Variants in FAM135B observed in about 807,000 individuals in gnomAD.
FAM135B encodes the protein family with sequence similarity 135 member B.
A neutral mutation model predicts 127.7 loss-of-function variants in FAM135B; 43 were observed. The observed-to-expected ratio is 0.34, with a 90% CI of 0.26 to 0.43. The LOEUF (loss-of-function observed/expected upper bound fraction) is 0.43, where lower values mean the gene tolerates loss of function less well. FAM135B is among the 20% of genes least tolerant of loss of function. The pLI is 1.00. For missense variants in FAM135B, 1,558 were observed against 1,725.6 expected, an observed-to-expected ratio of 0.90 and a Z score of 1.72; for synonymous variants, 670 against 665.1, an observed-to-expected ratio of 1.01 and a Z score of -0.11.
intron 3 of FAM135B, among the ~76,000 whole-genome samples, chr8:138,299,051 T>G (rs1287593996): frequency 6.9e-6 from 1 of 145,364 alleles, no homozygotes; most frequent in Non-Finnish European, 1.5e-5. Context: ...TAGAGTGAGA[T>G]TCAGTCTCAA....
intron 7 of FAM135B, among the ~76,000 whole-genome samples, chr8:138,203,183 T>C (rs1817281525): frequency 6.6e-6 from 1 of 152,168 alleles, no homozygotes. Flanking sequence ...TGCAAATGTC[T>C]CTCAAATCTA....
intron 7 of FAM135B, among the ~76,000 whole-genome samples, chr8:138,207,959 T>G (rs1486328551): frequency 1.3e-5 from 2 of 152,150 alleles, no homozygotes; most frequent in African/African-American, 4.8e-5. Flanking sequence ...CCCAAAGACA[T>G]AAACAAAAAT....
intron 2 of FAM135B, among the ~76,000 whole-genome samples, chr8:138,343,820 T>C (rs1401489435): frequency 6.6e-6 from 1 of 152,228 alleles, no homozygotes; most frequent in Non-Finnish European, 1.5e-5. Context: ...CTGAGGACTC[T>C]GGCTCTCTGC....
intron 1 of FAM135B, among the ~76,000 whole-genome samples, chr8:138,406,608 T>G (rs1265627535): frequency 6.6e-6 from 1 of 151,900 alleles, no homozygotes; most frequent in African/African-American, 2.4e-5. Flanking sequence ...GTTCAATACA[T>G]GCAAATCAAT....
rs1816323406 is a variant in FAM135B, at chr8:138,132,919, A to G, written c.4016-121T>C. The G allele has an allele frequency of 2.6e-6, 2 of 783,300 alleles. No individual in the cohort carries two copies. The highest frequency in any genetic ancestry group is 4.4e-6 in the Non-Finnish European group (2 of 457,266). The allele number at this position is 783,300 out of a possible 1,614,324, so 48.5% of individuals were successfully genotyped here. On this transcript the variant is annotated intron_variant, in intron 19 of 19. Transcript: ENST00000395297. The surrounding 1 kb of genome is among the most constrained non-coding windows in gnomAD (Gnocchi z 4.5). ...GCAGACCTGTTATACAGCAGTTTCC[A>G]ACCTCTTCCTAATGTTAGTGAAATT...
At chr8:138,283,485 G>A (rs1015960223) in intron 3 of FAM135B, among the ~76,000 whole-genome samples, 1 of 151,972 alleles carries the variant, frequency 6.6e-6, no homozygotes, top group African/African-American at 2.4e-5. Context: ...GCAAAGCTCA[G>A]AGGATTTTTA....
At chr8:138,437,737 C>A (rs968433458) in intron 1 of FAM135B, 1 of 152,140 alleles carries the variant, frequency 6.6e-6, no homozygotes, top group African/African-American at 2.4e-5. Flanking sequence ...TCCTATCTTA[C>A]AGCAGCATAA....
intron 1 of FAM135B, among the ~76,000 whole-genome samples, chr8:138,405,936 G>C (rs1230314639): frequency 6.6e-6 from 1 of 151,848 alleles, no homozygotes; most frequent in African/African-American, 2.4e-5. Context: ...TCTCATTGTG[G>C]TTTTGATTTG....
chr8:138,310,808 G>A (rs544373632), intron 3 of FAM135B, 33 bp downstream of exon 3: 2 of 1,599,226 alleles, frequency 1.3e-6, no homozygotes, highest in East Asian at 2.2e-5. Context: ...TCGCCATTGG[G>A]GGCAAGTGCC....
chr8:138,143,234 C>T (rs777850510), intron 15 of FAM135B, 125 bp from the exon 16 acceptor site: 22 of 615,922 alleles, frequency 3.6e-5, no homozygotes, highest in South Asian at 7.7e-5. Flanking sequence ...TCTGATGTTA[C>T]GGCTACAGGA....
intron 4 of FAM135B, among the ~76,000 whole-genome samples, chr8:138,258,803 CCACACACACACACA>C (rs57817492): frequency 0.25 from 36,646 of 146,594 alleles, 4,702 homozygotes; most frequent in Middle Eastern, 0.38. Context: ...GACACACACA[CCACACACACACACA>C]CACACACACA....
chr8:138,319,579 G>C (rs1393492268), intron 2 of FAM135B, among the ~76,000 whole-genome samples: 1 of 152,190 alleles, frequency 6.6e-6, no homozygotes, highest in Non-Finnish European at 1.5e-5. Flanking sequence ...GAAAACTTCA[G>C]GCAGTATGCT....
chr8:138,143,134 G>A (rs374208335), intron 15 of FAM135B, 25 bp from the exon 16 acceptor site: 7 of 1,331,368 alleles, frequency 5.3e-6, no homozygotes, highest in Non-Finnish European at 6.5e-6. Context: ...AGGAACAGGT[G>A]TTGGGTATGG....
intron 1 of FAM135B, among the ~76,000 whole-genome samples, chr8:138,468,361 C>G (rs757544639): frequency 6.6e-6 from 1 of 152,156 alleles, no homozygotes; most frequent in African/African-American, 2.4e-5. Flanking sequence ...CTGCTGTTAG[C>G]TCTTCATGAC....
In FAM135B at chr8:138,206,676, C is replaced by A. The variant is rs942115748; in HGVS notation, c.670-9007G>T. On this transcript the variant is annotated intron_variant, in intron 7 of 19. Coordinates refer to ENST00000395297, the MANE Select transcript of FAM135B (RefSeq NM_015912.4). ...AGAACTCCAGCATCCCCTCCACCTA[C>A]CCATAACTCTATCATCCCCTCCATC... is the stretch of plus-strand genomic sequence containing the variant. 1.4e-4 allele frequency among the ~76,000 whole-genome samples: 14 copies of A among 101,156 alleles called. No individual in the cohort carries two copies. The Admixed American group carries it at 1.5e-3, about 11-fold the overall frequency. The allele number at this position is 101,156 out of a possible 152,430, so 66.4% of individuals were successfully genotyped here. A position where few individuals can be genotyped will look rare whatever the true frequency, so the allele number is the denominator to read the frequency against.
chr8:138,214,757 G>C (rs1818420037), intron 7 of FAM135B, among the ~76,000 whole-genome samples: 2 of 152,138 alleles, frequency 1.3e-5, no homozygotes, highest in South Asian at 2.1e-4. Flanking sequence ...GGTTGAAGCT[G>C]AGCTTAGACT....
intron 1 of FAM135B, among the ~76,000 whole-genome samples, chr8:138,477,985 C>T (rs894639384): frequency 5.9e-5 from 9 of 152,144 alleles, no homozygotes; most frequent in African/African-American, 1.9e-4. Context: ...TTCTTGACGA[C>T]TTCCCACAAG....
chr8:138,304,645 C>T (rs527952348), intron 3 of FAM135B, among the ~76,000 whole-genome samples: 6 of 152,298 alleles, frequency 3.9e-5, no homozygotes, highest in Admixed American at 2.0e-4. Context: ...TGAGATGAGT[C>T]AAGGCACAAG....
intron 3 of FAM135B, among the ~76,000 whole-genome samples, chr8:138,290,733 G>C (rs548021598): frequency 2.2e-4 from 33 of 152,288 alleles, no homozygotes; most frequent in African/African-American, 7.7e-4. Context: ...TTGGTTGCAA[G>C]GGTATTGGGG....
Sources: gnomAD v4.1 joint callset for allele counts (sites outside exome capture counted in the v4.1 genomes callset) on GRCh38, gnomAD v4.1.1 for gene constraint, Gnocchi (gnomAD v3.1) non-coding constraint, MANE v1.5 for transcripts, NCBI Gene and HGNC (gene_info 2026-07-23, HGNC 2026-07-21) for gene names.